BSPH1: variants seen among roughly 807,000 people sequenced by gnomAD.
BSPH1 encodes the protein binder of sperm protein homolog 1.
A neutral mutation model predicts 22.5 loss-of-function variants in BSPH1; 21 were observed. The observed-to-expected ratio is 0.93, with a 90% CI of 0.66 to 1.35. The LOEUF (loss-of-function observed/expected upper bound fraction) is 1.35, where lower values mean the gene tolerates loss of function less well. BSPH1 is among the 40% of genes most tolerant of loss of function. The pLI is 0.00. For missense variants in BSPH1, 141 were observed against 154.2 expected (o/e 0.91, Z 0.45); for synonymous variants, 42 against 53.6 (o/e 0.78, Z 0.95).
At chr19:47,975,649 ATT>A (rs199878812) in intron 5 of BSPH1, among the ~76,000 whole-genome samples, 252 of 124,836 alleles carry the variant, frequency 2.0e-3, no homozygotes, top group African/African-American at 7.2e-3. Flanking sequence ...AAGGTAATGC[ATT>A]TTTTTTTTTT....
intron 5 of BSPH1, among the ~76,000 whole-genome samples, chr19:47,973,171 C>T (rs1000822152): frequency 2.0e-5 from 3 of 150,680 alleles, no homozygotes; most frequent in African/African-American, 4.9e-5. Context: ...GAGCCGAGAT[C>T]GCGCCACTGC....
At chr19:47,978,563 C>T (rs1394464679) in intron 3 of BSPH1, among the ~76,000 whole-genome samples, 1 of 152,110 alleles carries the variant, frequency 6.6e-6, no homozygotes, top group East Asian at 1.9e-4. Context: ...CTATAGAATC[C>T]CCAAAGCAAG....
In BSPH1 at chr19:47,992,068, A is replaced by G; in HGVS notation, c.14T>C (p.Met5Thr). ...TCGCGTCGTTTCCACGAAGAGAAGC[A>G]TCAGGGAGCCCATGGGCAGTCACAG... is the stretch of plus-strand genomic sequence containing the variant. MGSL[M>T]LLFVETTRNS... Residue 5 changes from methionine (M) to threonine (T), a missense_variant, in exon 1 of 6, where the codon ATG becomes ACG. Transcript: ENST00000344839. 1.3e-6 allele frequency: 2 copies of G among 1,551,402 alleles called. No homozygotes were observed. The highest frequency in any genetic ancestry group is 1.7e-6 in the Non-Finnish European group (2 of 1,146,710).
At chr19:47,974,255 TTCTC>T (rs757548658) in intron 5 of BSPH1, among the ~76,000 whole-genome samples, 1,335 of 133,390 alleles carry the variant, frequency 0.01, 88 homozygotes, top group East Asian at 0.012. Context: ...CACAGCCACT[TTCTC>T]TCTCTCTCTC....
chr19:47,972,065 C>T (rs1376300324), intron 5 of BSPH1, among the ~76,000 whole-genome samples: 1 of 152,198 alleles, frequency 6.6e-6, no homozygotes, highest in Non-Finnish European at 1.5e-5. Flanking sequence ...ATTGATGTCT[C>T]TGCATTCCTA....
At chr19:47,981,763 A>T in intron 1 of BSPH1, 1 of 928,918 alleles carries the variant, frequency 1.1e-6, no homozygotes, top group Non-Finnish European at 1.2e-6. Flanking sequence ...AAACTGCCTG[A>T]TAGCTTTACT....
intron 5 of BSPH1, among the ~76,000 whole-genome samples, chr19:47,971,066 C>T (rs1017043234): frequency 6.6e-6 from 1 of 152,156 alleles, no homozygotes; most frequent in Non-Finnish European, 1.5e-5. Context: ...TCAGCAGTGG[C>T]AACTTCCTGA....
intron 5 of BSPH1, among the ~76,000 whole-genome samples, chr19:47,971,492 C>G (rs1278263571): frequency 1.3e-5 from 2 of 152,236 alleles, no homozygotes; most frequent in Non-Finnish European, 2.9e-5. Flanking sequence ...AGGCGTGAGG[C>G]ACCGCACCCA....
chr19:47,974,082 T>C (rs1969336868), intron 5 of BSPH1, among the ~76,000 whole-genome samples: 1 of 152,126 alleles, frequency 6.6e-6, no homozygotes, highest in East Asian at 1.9e-4. Context: ...TGCTGAGTGC[T>C]ATCTGCATGC....
At chr19:47,979,443 C>G (rs898071545) in intron 3 of BSPH1, 127 bp downstream of exon 3, 8 of 547,396 alleles carry the variant, frequency 1.5e-5, no homozygotes, top group Non-Finnish European at 2.6e-5. Context: ...TTATGAGGCA[C>G]TTATGTTACA....
intron 1 of BSPH1, 62 bp from the exon 2 acceptor site, chr19:47,981,003 T>C: frequency 2.2e-6 from 2 of 899,702 alleles, no homozygotes; most frequent in Non-Finnish European, 1.7e-6. Flanking sequence ...ATGAAAGGAT[T>C]TCACCAATTT....
In BSPH1 at chr19:47,992,135, G is replaced by A; in HGVS notation, c.-54C>T. 1 of 1,444,882 alleles carries A rather than the reference G, an allele frequency of 6.9e-7. No individual in the cohort carries two copies. The highest frequency in any genetic ancestry group is 9.5e-7 in the Non-Finnish European group (1 of 1,050,964). The allele number at this position is 1,444,882 out of a possible 1,614,324, so 89.5% of individuals were successfully genotyped here. ...GATCTTCCTGGTCTTTGTCAGCCAG[G>A]GCTCAAGAATCCCCTGGAGAGGCCC... On this transcript the variant is annotated 5_prime_UTR_variant, in exon 1 of 6. Coordinates refer to ENST00000344839, the MANE Select transcript of BSPH1 (RefSeq NM_001128326.2).
chr19:47,982,692 T>A (rs1969430073), intron 1 of BSPH1, among the ~76,000 whole-genome samples: 1 of 151,974 alleles, frequency 6.6e-6, no homozygotes, highest in African/African-American at 2.4e-5. Flanking sequence ...AGCCAAAAGG[T>A]GGAAAGAACC....
intron 1 of BSPH1, among the ~76,000 whole-genome samples, chr19:47,983,537 A>T (rs1969438879): frequency 1.1e-4 from 16 of 152,180 alleles, no homozygotes; most frequent in African/African-American, 3.9e-4. Flanking sequence ...AGAATGCAAC[A>T]TCCCCATATC....
chr19:47,974,410 T>C (rs1160653855), intron 5 of BSPH1, among the ~76,000 whole-genome samples: 1 of 151,646 alleles, frequency 6.6e-6, no homozygotes, highest in Non-Finnish European at 1.5e-5. Context: ...GCTGGGATTA[T>C]AGGTGCCGGC....
chr19:47,990,132 A>G (rs1488157841), intron 1 of BSPH1, among the ~76,000 whole-genome samples: 1 of 149,942 alleles, frequency 6.7e-6, no homozygotes, highest in African/African-American at 2.5e-5. Flanking sequence ...AAAAAAAAAA[A>G]AAAAAAAAAG....
chr19:47,988,564 A>G (rs1396632742), intron 1 of BSPH1, among the ~76,000 whole-genome samples: 3 of 152,088 alleles, frequency 2.0e-5, no homozygotes, highest in Non-Finnish European at 4.4e-5. Context: ...GGTGCATGAG[A>G]GCTCTTAGCC....
intron 5 of BSPH1, among the ~76,000 whole-genome samples, chr19:47,968,896 G>A (rs1969283283): frequency 6.6e-6 from 1 of 151,318 alleles, no homozygotes; most frequent in Admixed American, 6.6e-5. Context: ...CTACTCAAGA[G>A]GCTGAGGCAG....
chr19:47,969,021 A>AAG (rs1969284916), intron 5 of BSPH1, among the ~76,000 whole-genome samples: 1 of 150,404 alleles, frequency 6.6e-6, no homozygotes, highest in African/African-American at 2.5e-5. Context: ...AAAAAAAAAA[A>AAG]AGAAATCACT....
Sources: gnomAD v4.1 joint callset for allele counts (sites outside exome capture counted in the v4.1 genomes callset) on GRCh38, gnomAD v4.1.1 for gene constraint, MANE v1.5 for transcripts, NCBI Gene and HGNC (gene_info 2026-07-23, HGNC 2026-07-21) for gene names.